SHISA9: variants seen among roughly 807,000 people sequenced by gnomAD.
SHISA9 encodes protein shisa-9.
Under a neutral mutation model 38.0 loss-of-function variants are expected in SHISA9, and 13 were observed. The observed-to-expected ratio is 0.34, with a 90% CI of 0.22 to 0.54. The LOEUF (loss-of-function observed/expected upper bound fraction) is 0.54. SHISA9 is among the 20% of genes least tolerant of loss of function. The pLI, the probability that SHISA9 is intolerant of heterozygous loss-of-function variation, is 0.91. For synonymous variants in SHISA9, 275 were observed against 242.0 expected, an observed-to-expected ratio of 1.14 and a Z score of -1.27; for missense variants, 538 against 575.8, an observed-to-expected ratio of 0.93 and a Z score of 0.67.
the SHISA9 span, among the ~76,000 whole-genome samples, chr16:13,490,887 G>A: frequency 6.6e-6 from 1 of 152,108 alleles, no homozygotes; most frequent in African/African-American, 2.4e-5. Flanking sequence ...TCACTATTTG[G>A]GAGAGGGAAA....
rs150456922 is a variant in SHISA9 at position 13,079,697 on chromosome 16, A to G, written c.692-123697A>G. 1.4e-3 allele frequency among the ~76,000 whole-genome samples: 211 copies of G among 152,298 alleles called. 4 individuals are homozygous for G. The highest frequency in any genetic ancestry group is 6.8e-3 in the Middle Eastern group (2 of 294). On this transcript the variant is annotated intron_variant, in intron 2 of 4. Transcript: ENST00000558583. Reference sequence around the variant, plus strand: ...CCTTGATTTGCCTAATTTTAATGAGACATTAGATCAACATCACAAAAGCAA... The same window carrying G: ...CCTTGATTTGCCTAATTTTAATGAGGCATTAGATCAACATCACAAAAGCAA...
intron 4 of SHISA9, among the ~76,000 whole-genome samples, chr16:13,221,143 A>G (rs2051220914): frequency 6.6e-6 from 1 of 152,106 alleles, no homozygotes; most frequent in African/African-American, 2.4e-5. Context: ...TTAGAGCAAT[A>G]TGGCTTTGGG....
At chr16:13,355,011 G>T in the SHISA9 span, among the ~76,000 whole-genome samples, 1 of 149,304 alleles carries the variant, frequency 6.7e-6, no homozygotes, top group African/African-American at 2.4e-5. Context: ...AGAGAGGCTG[G>T]GATTAAGGGT....
the SHISA9 span, among the ~76,000 whole-genome samples, chr16:13,518,501 C>T: frequency 6.6e-6 from 1 of 152,078 alleles, no homozygotes. Context: ...GCTGATTTCC[C>T]CTCCCTGCAC....
At chr16:13,158,731 A>G (rs952474793) in intron 2 of SHISA9, among the ~76,000 whole-genome samples, 3 of 152,088 alleles carry the variant, frequency 2.0e-5, no homozygotes, top group Non-Finnish European at 4.4e-5. Flanking sequence ...GGAGCTCCCA[A>G]ACATAGGAGA....
intron 2 of SHISA9, among the ~76,000 whole-genome samples, chr16:12,979,956 G>T (rs922276038): frequency 3.3e-5 from 5 of 152,022 alleles, no homozygotes; most frequent in African/African-American, 1.2e-4. Context: ...ATCTCCTGGG[G>T]ATCATATTAA....
At chr16:13,280,296 C>A in the SHISA9 span, among the ~76,000 whole-genome samples, 1,428 of 151,380 alleles carry the variant, frequency 9.4e-3, 26 homozygotes, top group African/African-American at 0.033. Flanking sequence ...AGCTTGAGAG[C>A]CTCATTATGC....
At chr16:13,200,442 A>ACAC (rs1555470817) in intron 2 of SHISA9, among the ~76,000 whole-genome samples, 3,589 of 132,162 alleles carry the variant, frequency 0.027, 91 homozygotes, top group African/African-American at 0.063. Flanking sequence ...ACACACACAC[A>ACAC]GCAGCAGCAG....
intron 2 of SHISA9, among the ~76,000 whole-genome samples, chr16:13,091,558 A>G (rs577105419): frequency 5.3e-5 from 8 of 152,246 alleles, no homozygotes; most frequent in African/African-American, 1.7e-4. Flanking sequence ...TTGATCTTCA[A>G]TCACTGATAC....
intron 3 of SHISA9, among the ~76,000 whole-genome samples, chr16:13,211,222 G>C (rs779418783): frequency 1.3e-5 from 2 of 151,522 alleles, no homozygotes; most frequent in Admixed American, 1.3e-4. Flanking sequence ...ACTTGAACCC[G>C]GGGGGCAGTG....
chr16:13,156,503 G>C (rs1307909288), intron 2 of SHISA9, among the ~76,000 whole-genome samples: 3 of 152,108 alleles, frequency 2.0e-5, no homozygotes, highest in Non-Finnish European at 4.4e-5. Context: ...AGGAGCCTGA[G>C]GTGGGCAGAT....
At chr16:13,516,919 A>G in the SHISA9 span, among the ~76,000 whole-genome samples, 42 of 152,356 alleles carry the variant, frequency 2.8e-4, no homozygotes, top group East Asian at 7.9e-3. Context: ...AATATAGTCA[A>G]TAAAACTGAC....
intron 2 of SHISA9, among the ~76,000 whole-genome samples, chr16:12,988,096 A>G (rs1475298776): frequency 6.6e-6 from 1 of 152,202 alleles, no homozygotes. Context: ...ATTCTTCACC[A>G]TATCCCAAAG....
the SHISA9 span, among the ~76,000 whole-genome samples, chr16:13,362,065 G>A: frequency 6.6e-6 from 1 of 151,898 alleles, no homozygotes; most frequent in East Asian, 1.9e-4. Flanking sequence ...GCAAAATATA[G>A]ATTAAAAATA....
intron 2 of SHISA9, among the ~76,000 whole-genome samples, chr16:12,961,878 T>C (rs868565140): frequency 6.2e-4 from 94 of 152,358 alleles, no homozygotes; most frequent in African/African-American, 2.2e-3. Flanking sequence ...CTGCTACAGC[T>C]GGCCTTTCTC....
At chr16:13,003,017 C>G (rs768873074) in intron 2 of SHISA9, among the ~76,000 whole-genome samples, 2 of 152,192 alleles carry the variant, frequency 1.3e-5, no homozygotes, top group African/African-American at 2.4e-5. Flanking sequence ...AGATGATATC[C>G]TGAGCTGAAA....
chr16:13,383,282 A>G, the SHISA9 span, among the ~76,000 whole-genome samples: 1 of 152,360 alleles, frequency 6.6e-6, no homozygotes, highest in Admixed American at 6.5e-5. Context: ...GCATTCCATG[A>G]AGAGGAAGCA....
chr16:13,342,500 G>A, the SHISA9 span, among the ~76,000 whole-genome samples: 1 of 152,120 alleles, frequency 6.6e-6, no homozygotes, highest in Admixed American at 6.6e-5. Context: ...TGGTCAGACT[G>A]GTCTCAAACT....
chr16:13,540,640 C>G, the SHISA9 span, among the ~76,000 whole-genome samples: 1 of 152,144 alleles, frequency 6.6e-6, no homozygotes, highest in African/African-American at 2.4e-5. Flanking sequence ...GAATCCTTAT[C>G]TTAGGATTTT....
Sources: allele counts gnomAD v4.1 joint callset (sites outside exome capture counted in the v4.1 genomes callset), GRCh38; gene constraint gnomAD v4.1.1; transcripts MANE v1.5; gene names NCBI Gene and HGNC (gene_info 2026-07-23, HGNC 2026-07-21).